CHD6: variants seen among roughly 807,000 people sequenced by gnomAD.
The protein encoded by CHD6 is ATP-dependent chromatin remodeler CHD6.
In CHD6, 50 loss-of-function variants were observed where a neutral mutation model predicts 276.9. The observed-to-expected ratio is 0.18, with a 90% CI of 0.14 to 0.23. CHD6 has a LOEUF of 0.23. Among genes scored for constraint, CHD6 ranks in the 10% least tolerant of loss-of-function variants. The pLI is 1.00. For missense variants in CHD6, 2,564 were observed against 3,365.8 expected, an observed-to-expected ratio of 0.76 and a Z score of 5.89; for synonymous variants, 1,173 against 1,229.3, an observed-to-expected ratio of 0.95 and a Z score of 0.96.
chr20:41,507,078 A>G (rs557680472), intron 5 of CHD6, among the ~76,000 whole-genome samples: 2 of 152,326 alleles, frequency 1.3e-5, no homozygotes, highest in East Asian at 3.9e-4. Context: ...CTAAGTCTGT[A>G]TATCTCAGAC....
intron 1 of CHD6, among the ~76,000 whole-genome samples, chr20:41,595,073 C>G (rs2045704356): frequency 6.6e-6 from 1 of 152,170 alleles, no homozygotes; most frequent in Admixed American, 6.5e-5. Flanking sequence ...CTGATCATCT[C>G]TTGTGAGGAG....
At chr20:41,441,054 G>A (rs1378530218) in intron 25 of CHD6, among the ~76,000 whole-genome samples, 1 of 152,156 alleles carries the variant, frequency 6.6e-6, no homozygotes, top group African/African-American at 2.4e-5. Context: ...TTAATCCACA[G>A]TGGCTCTCCT....
At chr20:41,591,377 T>TACACACACAC (rs879822257) in intron 1 of CHD6, among the ~76,000 whole-genome samples, 1,476 of 122,806 alleles carry the variant, frequency 0.012, 9 homozygotes, top group South Asian at 0.026. Context: ...TATATATATA[T>TACACACACAC]ATACACACAC....
intron 1 of CHD6, among the ~76,000 whole-genome samples, chr20:41,609,721 CT>C (rs1432505530): frequency 6.6e-6 from 1 of 152,118 alleles, no homozygotes; most frequent in Non-Finnish European, 1.5e-5. Flanking sequence ...CAATTTCCTG[CT>C]TGAAAATCTA....
intron 17 of CHD6, among the ~76,000 whole-genome samples, chr20:41,459,914 A>T (rs2048492758): frequency 6.6e-6 from 1 of 152,272 alleles, no homozygotes; most frequent in African/African-American, 2.4e-5. Flanking sequence ...GTTCAGAAGA[A>T]GATAAAATGT....
intron 27 of CHD6, among the ~76,000 whole-genome samples, chr20:41,434,778 A>G (rs2047655389): frequency 6.6e-6 from 1 of 152,224 alleles, no homozygotes; most frequent in Non-Finnish European, 1.5e-5. Context: ...TTATAGTTGG[A>G]GGCTTCAATA....
intron 1 of CHD6, among the ~76,000 whole-genome samples, chr20:41,553,375 T>C (rs2045174460): frequency 6.6e-6 from 1 of 152,224 alleles, no homozygotes; most frequent in Non-Finnish European, 1.5e-5. Context: ...AATAACTCTT[T>C]GTCAGGCCCT....
At chr20:41,420,344 T>A (rs375021349) in intron 31 of CHD6, among the ~76,000 whole-genome samples, 164 bp downstream of exon 31, 3 of 152,364 alleles carry the variant, frequency 2.0e-5, no homozygotes, top group East Asian at 1.9e-4. Flanking sequence ...CCACAGTTAC[T>A]AAGCTACTCG....
chr20:41,516,032 TGACA>T (rs1484468433), intron 3 of CHD6, among the ~76,000 whole-genome samples: 24 of 152,350 alleles, frequency 1.6e-4, no homozygotes, highest in African/African-American at 5.0e-4. Flanking sequence ...AACATAATTC[TGACA>T]GACAGTAGTA....
chr20:41,522,870 C>G (rs2044437818), intron 3 of CHD6, among the ~76,000 whole-genome samples: 3 of 152,222 alleles, frequency 2.0e-5, no homozygotes. Context: ...GCTATCGTAC[C>G]CTATTCTTTT....
At chr20:41,572,207 C>G (rs4812527) in intron 1 of CHD6, among the ~76,000 whole-genome samples, 58,214 of 152,064 alleles carry the variant, frequency 0.38, 13,871 homozygotes, top group African/African-American at 0.66. Context: ...TCAGCAGAGG[C>G]AGCTGGAGGG....
At chr20:41,581,894 G>T (rs1053712167) in intron 1 of CHD6, among the ~76,000 whole-genome samples, 3 of 152,186 alleles carry the variant, frequency 2.0e-5, no homozygotes, top group African/African-American at 4.8e-5. Context: ...TATTGTCAAG[G>T]TAGGGACACA....
chr20:41,403,192 T>C lies in CHD6; in HGVS notation c.*1401A>G, dbSNP rs776350632. The stretch of plus-strand genomic sequence containing the variant: ...AGAAAAAGTAAAAAATACAGTAAAT[T>C]GTGACAACAAAAAGTGAAACTGGTA... On this transcript the variant is annotated 3_prime_UTR_variant, in exon 37 of 37. Coordinates refer to ENST00000373233, the MANE Select transcript of CHD6 (RefSeq NM_032221.5). 3.3e-6 allele frequency: 3 copies of C among 913,948 alleles called. No individual in the cohort carries two copies. The highest frequency in any genetic ancestry group is 4.0e-6 in the Non-Finnish European group (3 of 742,632). 56.6% of individuals were successfully genotyped at this position (913,948 alleles called of 1,614,324 possible). A position where few individuals can be genotyped will look rare whatever the true frequency, so the allele number is the denominator to read the frequency against.
chr20:41,585,232 G>T (rs1277496987), intron 1 of CHD6, among the ~76,000 whole-genome samples: 1 of 152,130 alleles, frequency 6.6e-6, no homozygotes, highest in Non-Finnish European at 1.5e-5. Flanking sequence ...AGCCAGGTGT[G>T]GTGGCTCACG....
At chr20:41,573,145 G>A (rs1037620838) in intron 1 of CHD6, among the ~76,000 whole-genome samples, 3 of 152,194 alleles carry the variant, frequency 2.0e-5, no homozygotes, top group South Asian at 2.1e-4. Flanking sequence ...TCCTGACCTC[G>A]TGATCCACCC....
chr20:41,615,349 C>CAA (rs11379388), intron 1 of CHD6, among the ~76,000 whole-genome samples: 7,744 of 124,220 alleles, frequency 0.062, 404 homozygotes, highest in African/African-American at 0.13. Flanking sequence ...CATTCCATTG[C>CAA]AAAAAAAAAA....
intron 1 of CHD6, among the ~76,000 whole-genome samples, chr20:41,553,221 G>A (rs1308456398): frequency 1.3e-5 from 2 of 152,150 alleles, no homozygotes; most frequent in Non-Finnish European, 2.9e-5. Context: ...TAATAAAAAA[G>A]GGTATTAACA....
Position 41,403,935 on chromosome 20 carries a change from A to G in CHD6, c.*658T>C. 9.5e-7 allele frequency: 1 copy of G among 1,054,202 alleles called. No homozygotes were observed. Among genetic ancestry groups the G allele is most frequent in the Non-Finnish European group, 1.1e-6 (1 of 872,326 alleles). 65.3% of individuals were successfully genotyped at this position (1,054,202 alleles called of 1,614,324 possible). A position where few individuals can be genotyped will look rare whatever the true frequency, so the allele number is the denominator to read the frequency against. On this transcript the variant is annotated 3_prime_UTR_variant, in exon 37 of 37. Coordinates refer to ENST00000373233, the MANE Select transcript of CHD6 (RefSeq NM_032221.5). ...GATGTATAGAAAATAATGCCTAGTCAGTCAGTATTTCTTCTTGCTGCAGGT... is the reference window on the plus strand; with the variant it reads ...GATGTATAGAAAATAATGCCTAGTCGGTCAGTATTTCTTCTTGCTGCAGGT...
intron 5 of CHD6, among the ~76,000 whole-genome samples, chr20:41,511,112 G>A (rs890229447): frequency 6.6e-6 from 1 of 152,172 alleles, no homozygotes; most frequent in African/African-American, 2.4e-5. Flanking sequence ...TACTTTCCAT[G>A]CAAACACAGA....
Sources: gnomAD v4.1 joint callset for allele counts (sites outside exome capture counted in the v4.1 genomes callset) on GRCh38, gnomAD v4.1.1 for gene constraint, MANE v1.5 for transcripts, NCBI Gene and HGNC (gene_info 2026-07-23, HGNC 2026-07-21) for gene names.